The following LRRTM4 variants were observed in gnomAD, a reference collection of about 807,000 sequenced individuals.
LRRTM4 encodes leucine rich repeat transmembrane neuronal 4.
Under a neutral mutation model 47.6 loss-of-function variants are expected in LRRTM4, and 25 were observed. The ratio of observed to expected loss-of-function variants is 0.53; its 90% CI spans 0.38 to 0.73. LRRTM4 has a LOEUF of 0.73. Ranked by LOEUF, LRRTM4 falls within the 30% of genes least tolerant of loss-of-function variation. The pLI, the probability that LRRTM4 is intolerant of heterozygous loss-of-function variation, is 0.00. For synonymous variants in LRRTM4, 311 were observed against 269.5 expected (o/e 1.15, Z -1.51); for missense variants, 638 against 713.4 (o/e 0.89, Z 1.20).
intron 3 of LRRTM4, among the ~76,000 whole-genome samples, chr2:77,513,426 A>T (rs370294831): frequency 1.5e-4 from 23 of 152,280 alleles, no homozygotes; most frequent in East Asian, 1.4e-3. Context: ...CGTTTGAGAG[A>T]TGCGTCACAG....
At chr2:76,825,861 AAGAC>A (rs1478979788) in intron 3 of LRRTM4, among the ~76,000 whole-genome samples, 1 of 151,616 alleles carries the variant, frequency 6.6e-6, no homozygotes, top group African/African-American at 2.4e-5. Flanking sequence ...AACAAGCACT[AAGAC>A]AGGAGGCAAA....
chr2:77,131,176 C>A (rs962455105), intron 3 of LRRTM4, among the ~76,000 whole-genome samples: 1 of 152,064 alleles, frequency 6.6e-6, no homozygotes, highest in Non-Finnish European at 1.5e-5. Flanking sequence ...ACGTATAACA[C>A]AATAGAGGAA....
At chr2:77,369,029 C>T (rs975359632) in intron 3 of LRRTM4, among the ~76,000 whole-genome samples, 6 of 151,642 alleles carry the variant, frequency 4.0e-5, no homozygotes, top group African/African-American at 1.5e-4. Flanking sequence ...TTGATAATGG[C>T]GATTCAAACA....
intron 3 of LRRTM4, among the ~76,000 whole-genome samples, chr2:77,310,923 T>TAC (rs1677434914): frequency 6.6e-6 from 1 of 151,770 alleles, no homozygotes; most frequent in African/African-American, 2.4e-5. Flanking sequence ...TTTACACACA[T>TAC]ACACACACAT....
chr2:77,465,269 G>C (rs569239671), intron 3 of LRRTM4, among the ~76,000 whole-genome samples: 1 of 152,238 alleles, frequency 6.6e-6, no homozygotes, highest in African/African-American at 2.4e-5. Flanking sequence ...ATAAATGAAT[G>C]AAATATTTCC....
At chr2:77,268,499 G>T (rs140217616) in intron 3 of LRRTM4, among the ~76,000 whole-genome samples, 490 of 152,040 alleles carry the variant, frequency 3.2e-3, no homozygotes, top group African/African-American at 0.011. Flanking sequence ...TGAACTCCTG[G>T]AAGTCTTCTA....
chr2:77,097,524 T>C (rs1241376835), intron 3 of LRRTM4, among the ~76,000 whole-genome samples: 2 of 151,906 alleles, frequency 1.3e-5, no homozygotes, highest in Non-Finnish European at 2.9e-5. Flanking sequence ...CTGAACAAGA[T>C]ATAATAAATA....
In LRRTM4 at chr2:77,189,707, A is replaced by ACTTAC. The variant is rs550689931; in HGVS notation, c.1551+328610_1551+328611insGTAAG. 2.1e-3 allele frequency among the ~76,000 whole-genome samples: 327 copies of ACTTAC among 152,174 alleles called. 2 individuals carry two copies. The highest frequency in any genetic ancestry group is 7.4e-3 in the African/African-American group (309 of 41,528). ...TTGTTTAAGTCACTAGTCTATGCTA[A>ACTTAC]TTTGTTATAGAAGCCTGAACTTACT... On this transcript the variant is annotated intron_variant, in intron 3 of 3. Transcript: ENST00000409884.
At chr2:76,787,647 C>T (rs533255000) in intron 3 of LRRTM4, among the ~76,000 whole-genome samples, 3 of 151,750 alleles carry the variant, frequency 2.0e-5, no homozygotes, top group African/African-American at 7.2e-5. Flanking sequence ...ATAGGGAAAA[C>T]TTTGTGGTTC....
intron 3 of LRRTM4, among the ~76,000 whole-genome samples, chr2:77,078,378 ACC>A (rs1048944579): frequency 2.8e-5 from 3 of 108,130 alleles, no homozygotes; most frequent in African/African-American, 1.5e-4. Context: ...TTACACACAC[ACC>A]CACACACACA....
intron 3 of LRRTM4, among the ~76,000 whole-genome samples, chr2:77,129,223 G>GT (rs1480121853): frequency 2.0e-5 from 3 of 152,238 alleles, no homozygotes; most frequent in South Asian, 2.1e-4. Context: ...AGACCCATTA[G>GT]TTTTTTTCTT....
At chr2:77,091,952 G>T (rs1269028893) in intron 3 of LRRTM4, among the ~76,000 whole-genome samples, 2 of 146,320 alleles carry the variant, frequency 1.4e-5, no homozygotes, top group African/African-American at 5.3e-5. Context: ...CAAGAACCAG[G>T]ACCACACCCT....
chr2:76,779,358 G>C (rs1157101756), intron 3 of LRRTM4, among the ~76,000 whole-genome samples: 1 of 150,864 alleles, frequency 6.6e-6, no homozygotes, highest in African/African-American at 2.4e-5. Flanking sequence ...GTTGACAGTG[G>C]GGTGTTAAAG....
At chr2:76,779,079 G>C (rs1248039270) in intron 3 of LRRTM4, among the ~76,000 whole-genome samples, 2 of 146,114 alleles carry the variant, frequency 1.4e-5, no homozygotes, top group Admixed American at 1.4e-4. Flanking sequence ...TTTTGAGTGA[G>C]ATTCTTAATC....
At position 77,399,336 on chromosome 2, in the gene LRRTM4, G is replaced by T. The variant is rs184008311; in HGVS notation, c.1551+118982C>A. On this transcript the variant is annotated intron_variant, in intron 3 of 3. Transcript: ENST00000409884. ...TTACCTCATACACACATCATTCTTTGTAGTGAGAACACTTAAAACGTACTC... is the reference window on the plus strand; with the variant it reads ...TTACCTCATACACACATCATTCTTTTTAGTGAGAACACTTAAAACGTACTC... 5.3e-3 allele frequency among the ~76,000 whole-genome samples: 805 copies of T among 151,848 alleles called. 3 individuals are homozygous for T. The highest frequency in any genetic ancestry group is 7.8e-3 in the Non-Finnish European group (529 of 67,858).
intron 3 of LRRTM4, among the ~76,000 whole-genome samples, chr2:77,258,404 A>T (rs1357672964): frequency 6.6e-6 from 1 of 152,064 alleles, no homozygotes; most frequent in Admixed American, 6.6e-5. Flanking sequence ...TCATGAATGT[A>T]CTCATGCAAT....
intron 3 of LRRTM4, among the ~76,000 whole-genome samples, chr2:77,363,416 G>A (rs1672315469): frequency 6.6e-6 from 1 of 152,198 alleles, no homozygotes. Context: ...GCCTTGAACT[G>A]ACAGACTCCA....
intron 3 of LRRTM4, among the ~76,000 whole-genome samples, chr2:76,850,574 T>C (rs1051170140): frequency 1.3e-5 from 2 of 152,312 alleles, no homozygotes; most frequent in African/African-American, 4.8e-5. Flanking sequence ...ATAAGAGCGA[T>C]TGAGAAATGG....
At chr2:77,016,954 A>G (rs1037067236) in intron 3 of LRRTM4, among the ~76,000 whole-genome samples, 3 of 151,926 alleles carry the variant, frequency 2.0e-5, no homozygotes, top group Non-Finnish European at 4.4e-5. Context: ...TTAGGGTCAT[A>G]TCTTGTTTTC....
Sources: gnomAD v4.1 joint callset for allele counts (sites outside exome capture counted in the v4.1 genomes callset) on GRCh38, gnomAD v4.1.1 for gene constraint, MANE v1.5 for transcripts, NCBI Gene and HGNC (gene_info 2026-07-23, HGNC 2026-07-21) for gene names.